ZAP70: variants seen among roughly 807,000 people sequenced by gnomAD.
ZAP70 encodes zeta chain of T cell receptor associated protein kinase 70.
ZAP70 carries 27 observed loss-of-function variants against 65.8 expected under a neutral mutation model. That is an observed-to-expected ratio of 0.41 (90% CI 0.30 to 0.57). The LOEUF (loss-of-function observed/expected upper bound fraction) is 0.57. Ranked by LOEUF, ZAP70 falls within the 20% of genes least tolerant of loss-of-function variation. ZAP70 has a pLI of 0.28. For synonymous variants in ZAP70, 363 were observed against 360.8 expected (o/e 1.01, Z -0.07); for missense variants, 696 against 870.5 (o/e 0.80, Z 2.52).
chr2:97,718,792 CCA>C (rs1406973228), intron 2 of ZAP70, among the ~76,000 whole-genome samples: 6 of 152,206 alleles, frequency 3.9e-5, no homozygotes, highest in African/African-American at 1.4e-4. Flanking sequence ...GCTTCCTGCC[CCA>C]GAGACCAGCT....
In ZAP70 at chr2:97,731,092, G is replaced by A. The variant is rs1250775976; in HGVS notation, c.564-1791G>A. Among the ~76,000 whole-genome samples the A allele has an allele frequency of 1.3e-5, 2 of 151,620 alleles. No homozygotes were observed. The highest frequency in any genetic ancestry group is 2.9e-5 in the Non-Finnish European group (2 of 67,894). On this transcript the variant is annotated intron_variant, in intron 4 of 13. Transcript: ENST00000264972. The surrounding 1 kb of genome is among the most constrained non-coding windows in gnomAD (Gnocchi z 4.0). Reference sequence around the variant, plus strand: ...AAAAAAAAAGAGACAGAGGAGGGGAGATGGGAGGTTTGCTGTTTGCTGGTG... The same window carrying A: ...AAAAAAAAAGAGACAGAGGAGGGGAAATGGGAGGTTTGCTGTTTGCTGGTG...
In ZAP70 at chr2:97,724,389, T is replaced by C; in HGVS notation, c.353T>C (p.Leu118Pro). 6.5e-7 allele frequency: 1 copy of C among 1,538,094 alleles called. No individual in the cohort carries two copies. Among genetic ancestry groups the C allele is most frequent in the Non-Finnish European group, 8.8e-7 (1 of 1,142,196 alleles). Residue 118 changes from leucine to proline, a missense_variant, in exon 3 of 14, where the codon CTG (leucine) becomes CCG (proline). By Grantham distance (98) the Leu-to-Pro change is moderately conservative. Transcript: ENST00000264972. Reference protein sequence around the residue: ...LEPQPGVFDCLRDAMVRDYVR... With the variant: ...LEPQPGVFDCPRDAMVRDYVR... Reference sequence around the variant, plus strand: ...CCGCAGCCGGGGGTCTTCGACTGCCTGCGAGACGCCATGGTGCGTGACTAC... The same window carrying C: ...CCGCAGCCGGGGGTCTTCGACTGCCCGCGAGACGCCATGGTGCGTGACTAC...
intron 2 of ZAP70, among the ~76,000 whole-genome samples, chr2:97,719,821 A>G (rs1677091325): frequency 6.6e-6 from 1 of 152,284 alleles, no homozygotes; most frequent in East Asian, 1.9e-4. Flanking sequence ...ATCAAGATAC[A>G]GACTATTCCC....
intron 9 of ZAP70, 152 bp from the exon 10 acceptor site, chr2:97,735,098 A>G (rs772771812): frequency 2.3e-5 from 20 of 884,510 alleles, no homozygotes; most frequent in Non-Finnish European, 3.5e-5. Context: ...TCCAGGCTGC[A>G]GGGACATTGA....
intron 4 of ZAP70, among the ~76,000 whole-genome samples, chr2:97,725,507 C>G (rs567795834): frequency 6.6e-6 from 1 of 152,334 alleles, no homozygotes; most frequent in East Asian, 1.9e-4. Context: ...GGCTGTGGCC[C>G]TTGGGCAAGT....
chr2:97,724,454 G>A lies in ZAP70; in HGVS notation c.402+16G>A. On this transcript the variant is annotated intron_variant, in intron 3 of 13. Coordinates refer to ENST00000264972, the MANE Select transcript of ZAP70 (RefSeq NM_001079.4). ...GAAGCTGGAGGTGAGAGCGCAGCCT[G>A]GGGCGCGGGGTCTGGAGGGGCGTGG... The A allele has an allele frequency of 6.6e-7, 1 of 1,525,188 alleles. No individual in the cohort carries two copies. 94.5% of individuals were successfully genotyped at this position (1,525,188 alleles called of 1,614,324 possible). A position where few individuals can be genotyped will look rare whatever the true frequency, so the allele number is the denominator to read the frequency against.
In ZAP70 at chr2:97,739,365, C is replaced by T. The variant is rs200313714; in HGVS notation, c.1737-10C>T. 4.5e-5 allele frequency: 73 copies of T among 1,613,188 alleles called. 1 individual carries two copies. The South Asian group carries it at 5.6e-4, about 12-fold the overall frequency. ...TGGTCAGCAGCCTGGATGTACCCCA[C>T]GCCCCACAGGTGGGAGGATCGCCCC... On this transcript the variant is annotated splice_polypyrimidine_tract_variant and intron_variant, in intron 13 of 13. Transcript: ENST00000264972.
intron 4 of ZAP70, 193 bp from the exon 5 acceptor site, chr2:97,732,690 C>T (rs779039430): frequency 2.1e-5 from 16 of 746,994 alleles, no homozygotes; most frequent in East Asian, 5.4e-5. Flanking sequence ...GCCCCTCCAC[C>T]GCCCTCTGCC....
chr2:97,729,078 G>A (rs1407444964), intron 4 of ZAP70, among the ~76,000 whole-genome samples: 1 of 152,062 alleles, frequency 6.6e-6, no homozygotes, highest in Non-Finnish European at 1.5e-5. Context: ...ATCCTCTCCT[G>A]GACTGCAGAC....
At chr2:97,749,362 T>C in the ZAP70 span, among the ~76,000 whole-genome samples, 1 of 152,164 alleles carries the variant, frequency 6.6e-6, no homozygotes, top group East Asian at 1.9e-4. Context: ...TAGTGCGCTG[T>C]CTGTGTGGGA....
At chr2:97,719,254 C>G (rs112525392) in intron 2 of ZAP70, among the ~76,000 whole-genome samples, 1 of 149,728 alleles carries the variant, frequency 6.7e-6, no homozygotes, top group Non-Finnish European at 1.5e-5. Context: ...CAGCACCAAC[C>G]GACCTCAGTC....
At chr2:97,735,557 G>A (rs953185103) in intron 10 of ZAP70, 101 bp downstream of exon 10, 6 of 1,384,758 alleles carry the variant, frequency 4.3e-6, no homozygotes, top group African/African-American at 2.8e-5. Flanking sequence ...GGAAGCCGGG[G>A]CACTTCCACA....
At chr2:97,745,358 A>C in the ZAP70 span, among the ~76,000 whole-genome samples, 1 of 152,256 alleles carries the variant, frequency 6.6e-6, no homozygotes. Flanking sequence ...TTTAATTTTT[A>C]AATTAAAGGA....
At chr2:97,719,996 G>A (rs558864529) in intron 2 of ZAP70, among the ~76,000 whole-genome samples, 39 of 152,206 alleles carry the variant, frequency 2.6e-4, no homozygotes, top group African/African-American at 7.9e-4. Flanking sequence ...ATGCGTTTGC[G>A]GAACTGCGTG....
chr2:97,735,162 G>A, intron 9 of ZAP70, 88 bp from the exon 10 acceptor site: 1 of 1,530,334 alleles, frequency 6.5e-7, no homozygotes, highest in South Asian at 1.1e-5. Context: ...CACAACTCAA[G>A]GGAGAAGAGA....
At chr2:97,752,962 T>A in the ZAP70 span, among the ~76,000 whole-genome samples, 1 of 152,198 alleles carries the variant, frequency 6.6e-6, no homozygotes, top group African/African-American at 2.4e-5. Flanking sequence ...CTAACAAAAT[T>A]ACTAAAGCGT....
At chr2:97,721,005 A>G (rs1287368656) in intron 2 of ZAP70, among the ~76,000 whole-genome samples, 2 of 152,304 alleles carry the variant, frequency 1.3e-5, no homozygotes, top group East Asian at 1.9e-4. Flanking sequence ...AGGGCACTCA[A>G]AGTCAATTCT....
Position 97,738,492 on chromosome 2 carries a change from C to G in ZAP70, c.1736+385C>G, listed in dbSNP as rs6721479. On this transcript the variant is annotated intron_variant, in intron 13 of 13. Transcript: ENST00000264972. ...CCAGTCCCCACCAGCCAGCACACAG[C>G]ACCCAACTACCAGACAGGTGAGCAC... The G allele has an allele frequency of 1.8e-3, 566 of 315,692 alleles. 2 individuals are homozygous for G. Among genetic ancestry groups the G allele is most frequent in the African/African-American group, 0.012 (540 of 46,936 alleles). The allele number at this position is 315,692 out of a possible 1,614,324, so 19.6% of individuals were successfully genotyped here.
downstream of ZAP70, among the ~76,000 whole-genome samples, chr2:97,741,312 C>T (rs1276080492): frequency 1.3e-5 from 2 of 152,238 alleles, no homozygotes; most frequent in African/African-American, 4.8e-5. Context: ...GCCCCTTCAC[C>T]CTCCTCCAGG....
Sources: allele counts gnomAD v4.1 joint callset (sites outside exome capture counted in the v4.1 genomes callset), GRCh38; gene constraint gnomAD v4.1.1; non-coding constraint Gnocchi (gnomAD v3.1); transcripts MANE v1.5; gene names NCBI Gene and HGNC (gene_info 2026-07-23, HGNC 2026-07-21).